The following GRID1 variants were observed in gnomAD, a reference collection of about 807,000 sequenced individuals.
The protein encoded by GRID1 is glutamate receptor ionotropic, delta-1.
In GRID1, 28 loss-of-function variants were observed where a neutral mutation model predicts 98.0. The observed-to-expected ratio is 0.29, with a 90% CI of 0.21 to 0.39. The LOEUF (loss-of-function observed/expected upper bound fraction) is 0.39. GRID1 is among the 10% of genes least tolerant of loss of function. The pLI is 1.00. For synonymous variants in GRID1, 553 were observed against 538.5 expected, an observed-to-expected ratio of 1.03 and a Z score of -0.37; for missense variants, 1,111 against 1,340.5, an observed-to-expected ratio of 0.83 and a Z score of 2.67.
intron 8 of GRID1, among the ~76,000 whole-genome samples, chr10:85,829,513 T>C (rs928661756): frequency 6.6e-6 from 1 of 152,122 alleles, no homozygotes; most frequent in Admixed American, 6.5e-5. Flanking sequence ...AGTCAAACTA[T>C]CTCTGTTTGT....
At chr10:85,933,839 G>A (rs180863082) in intron 4 of GRID1, among the ~76,000 whole-genome samples, 62 of 152,334 alleles carry the variant, frequency 4.1e-4, no homozygotes, top group African/African-American at 1.5e-3. Flanking sequence ...ATATCAACAG[G>A]ATGTGCATGA....
intron 8 of GRID1, among the ~76,000 whole-genome samples, chr10:85,735,705 G>A (rs543426536): frequency 1.3e-5 from 2 of 152,158 alleles, no homozygotes; most frequent in African/African-American, 4.8e-5. Flanking sequence ...GAAACGGGTG[G>A]CAATCTTACT....
At position 85,600,945 on chromosome 10, in the gene GRID1, G is replaced by T. The variant is rs1003736882; in HGVS notation, c.*1328C>A. On this transcript the variant is annotated 3_prime_UTR_variant, in exon 16 of 16. Transcript: ENST00000327946. ...AGGACTCCAGGTCTGGTCTGGAGAG[G>T]GTCGTAAAGGTGGAAGGGAGAGTTT... 6.6e-6 allele frequency: 1 copy of T among 152,332 alleles called. No homozygotes were observed. The highest frequency in any genetic ancestry group is 1.5e-5 in the Non-Finnish European group (1 of 68,164). 9.4% of individuals were successfully genotyped at this position (152,332 alleles called of 1,614,324 possible). A position where few individuals can be genotyped will look rare whatever the true frequency, so the allele number is the denominator to read the frequency against.
chr10:86,342,714 G>T (rs565877171), intron 2 of GRID1, among the ~76,000 whole-genome samples: 4 of 152,188 alleles, frequency 2.6e-5, no homozygotes, highest in Admixed American at 2.6e-4. Context: ...AGCCTGAGTC[G>T]GGTAGCGAGC....
intron 2 of GRID1, among the ~76,000 whole-genome samples, chr10:86,217,479 C>T (rs1264260101): frequency 6.6e-6 from 1 of 152,198 alleles, no homozygotes; most frequent in Non-Finnish European, 1.5e-5. Flanking sequence ...TTTAGAGACT[C>T]GGCCAAGTAG....
intron 3 of GRID1, among the ~76,000 whole-genome samples, chr10:86,172,599 C>T (rs1454650023): frequency 6.6e-6 from 1 of 152,110 alleles, no homozygotes; most frequent in Non-Finnish European, 1.5e-5. Context: ...ATATTATATG[C>T]ATGTAATTTT....
At chr10:85,873,743 G>T (rs566655529) in intron 5 of GRID1, among the ~76,000 whole-genome samples, 53 of 152,240 alleles carry the variant, frequency 3.5e-4, no homozygotes, top group African/African-American at 1.2e-3. Context: ...TTGCAACTGT[G>T]TTCTAACACG....
intron 2 of GRID1, among the ~76,000 whole-genome samples, chr10:86,236,354 C>T (rs1256774805): frequency 2.0e-5 from 3 of 152,168 alleles, no homozygotes; most frequent in African/African-American, 4.8e-5. Context: ...AATGTCTTCA[C>T]CTGCAAGTTG....
rs372393887 is a variant in GRID1 at position 85,724,644 on chromosome 10, G to A, written c.1566C>T (p.Ile522=). The stretch of plus-strand genomic sequence containing the variant: ...CCACAACGCTCTCCCTCTCTGGGGT[G>A]ATGGTGATGGCAGAGATGGCCAAGT... ...RADLAISAIT[I]TPERESVVDF... is the part of the protein sequence containing the mutation. Residue 522 remains isoleucine, a synonymous_variant, in exon 11 of 16, where the codon ATC becomes ATT. Transcript: ENST00000327946. 184 of 1,611,906 alleles carry A rather than the reference G, an allele frequency of 1.1e-4. 1 individual carries two copies. Among genetic ancestry groups the A allele is most frequent in the Admixed American group, 5.7e-4 (34 of 60,004 alleles).
chr10:85,982,279 T>C (rs1217287930), intron 4 of GRID1, among the ~76,000 whole-genome samples: 3 of 152,290 alleles, frequency 2.0e-5, no homozygotes, highest in Non-Finnish European at 1.5e-5. Context: ...TCACTATTTG[T>C]ATGTATAGCA....
At chr10:85,848,859 G>C (rs1164485345) in intron 8 of GRID1, among the ~76,000 whole-genome samples, 1 of 152,204 alleles carries the variant, frequency 6.6e-6, no homozygotes, top group Non-Finnish European at 1.5e-5. Context: ...CAAGGGTTCA[G>C]AACGGTTGAC....
chr10:85,882,725 A>T lies in GRID1; in HGVS notation c.781-13545T>A, dbSNP rs181181892. On this transcript the variant is annotated intron_variant, in intron 5 of 15. Coordinates refer to ENST00000327946, the MANE Select transcript of GRID1 (RefSeq NM_017551.3). ...CAACATGGCACATGTATACATATGT[A>T]ACAAACGTGCACATTGTGCACATGT... is the stretch of plus-strand genomic sequence containing the variant. Among the ~76,000 whole-genome samples, 51 of 152,348 alleles carry T rather than the reference A, an allele frequency of 3.3e-4. 1 individual carries two copies. The Middle Eastern group carries it at 0.014, about 41-fold the overall frequency.
At chr10:86,306,673 G>A (rs1238018159) in intron 2 of GRID1, among the ~76,000 whole-genome samples, 2 of 151,842 alleles carry the variant, frequency 1.3e-5, no homozygotes, top group Non-Finnish European at 1.5e-5. Flanking sequence ...AAAAGAGAGA[G>A]GGGGAAGAAG....
chr10:86,242,160 G>A (rs1013215041), intron 2 of GRID1, among the ~76,000 whole-genome samples: 2 of 152,240 alleles, frequency 1.3e-5, no homozygotes, highest in Non-Finnish European at 2.9e-5. Context: ...GGGAGTATGT[G>A]GTTGCTAAAT....
At chr10:85,650,337 C>G (rs976845363) in intron 12 of GRID1, 1 of 152,220 alleles carries the variant, frequency 6.6e-6, no homozygotes, top group Non-Finnish European at 1.5e-5. Flanking sequence ...TTTCTGAAGT[C>G]AGTCTCTTCA....
intron 12 of GRID1, among the ~76,000 whole-genome samples, chr10:85,707,674 T>A (rs1375546343): frequency 6.6e-6 from 1 of 152,206 alleles, no homozygotes; most frequent in Non-Finnish European, 1.5e-5. Context: ...GTAATTTTAT[T>A]GCGGCACTAT....
At chr10:85,694,277 G>GT (rs993706113) in intron 12 of GRID1, among the ~76,000 whole-genome samples, 5 of 151,960 alleles carry the variant, frequency 3.3e-5, no homozygotes, top group African/African-American at 1.2e-4. Context: ...AATGTAACAT[G>GT]TTGGGGAGCA....
intron 12 of GRID1, among the ~76,000 whole-genome samples, chr10:85,661,788 C>T (rs1226820289): frequency 6.6e-6 from 1 of 152,188 alleles, no homozygotes; most frequent in African/African-American, 2.4e-5. Flanking sequence ...AGCCACAAAC[C>T]CAAAGCAAAG....
chr10:85,709,340 A>C (rs1382353645), intron 12 of GRID1, among the ~76,000 whole-genome samples: 1 of 152,232 alleles, frequency 6.6e-6, no homozygotes, highest in Non-Finnish European at 1.5e-5. Flanking sequence ...GATGGAAATC[A>C]GTTGTGTTTG....
Sources: gnomAD v4.1 joint callset for allele counts (sites outside exome capture counted in the v4.1 genomes callset) on GRCh38, gnomAD v4.1.1 for gene constraint, MANE v1.5 for transcripts, NCBI Gene and HGNC (gene_info 2026-07-23, HGNC 2026-07-21) for gene names.